SLC24A1: variants seen among roughly 807,000 people sequenced by gnomAD.
SLC24A1 encodes the protein solute carrier family 24 member 1.
Under a neutral mutation model 88.1 loss-of-function variants are expected in SLC24A1, and 52 were observed. That is an observed-to-expected ratio of 0.59 (90% confidence interval 0.47 to 0.74). The LOEUF is 0.74. SLC24A1 is among the 30% of genes least tolerant of loss of function. The probability of loss-of-function intolerance (pLI) is 0.00; values close to 1 mark genes in which losing one functional copy is unlikely to be tolerated. For synonymous variants in SLC24A1, 455 were observed against 498.0 expected, an observed-to-expected ratio of 0.91 and a Z score of 1.15; for missense variants, 1,173 against 1,363.3, an observed-to-expected ratio of 0.86 and a Z score of 2.20.
intron 1 of SLC24A1, among the ~76,000 whole-genome samples, chr15:65,623,158 AAACT>A (rs756143377): frequency 2.0e-5 from 3 of 152,242 alleles, no homozygotes; most frequent in African/African-American, 2.4e-5. Context: ...TAAAAAGGTC[AAACT>A]AACAGAATAT....
At chr15:65,635,933 A>G (rs898194111) in intron 2 of SLC24A1, among the ~76,000 whole-genome samples, 9 of 152,224 alleles carry the variant, frequency 5.9e-5, no homozygotes, top group Non-Finnish European at 1.2e-4. Flanking sequence ...CACCATGTAA[A>G]TAGTATAGCA....
At chr15:65,634,492 G>A (rs1246373729) in intron 2 of SLC24A1, among the ~76,000 whole-genome samples, 1 of 152,174 alleles carries the variant, frequency 6.6e-6, no homozygotes, top group African/African-American at 2.4e-5. Flanking sequence ...GAAAGAGCAG[G>A]GAGAATGTTG....
Position 65,654,337 on chromosome 15 carries a change from T to G in SLC24A1, c.*258T>G. 2.4e-6 allele frequency: 3 copies of G among 1,275,224 alleles called. No individual in the cohort carries two copies. Among genetic ancestry groups the G allele is most frequent in the Non-Finnish European group, 3.0e-6 (3 of 1,010,228 alleles). The allele number at this position is 1,275,224 out of a possible 1,614,324, so 79.0% of individuals were successfully genotyped here. A position where few individuals can be genotyped will look rare whatever the true frequency, so the allele number is the denominator to read the frequency against. On this transcript the variant is annotated 3_prime_UTR_variant, in exon 10 of 10. Transcript: ENST00000261892. ...GCAGACATCTATTACATGGAGGCAG[T>G]AGAAGGACCCCTGGAGCCAGAGGGT...
In SLC24A1 at chr15:65,655,183, G is replaced by A. The variant is rs2075639855; in HGVS notation, c.*1104G>A. On this transcript the variant is annotated 3_prime_UTR_variant, in exon 10 of 10. Coordinates refer to ENST00000261892, the MANE Select transcript of SLC24A1 (RefSeq NM_004727.3). ...CTCCAGCATGTTCTCACCCAACAAT[G>A]ACAGTTGAGTGGAGTGGGAAGGGAA... 3 of 987,362 alleles carry A rather than the reference G, an allele frequency of 3.0e-6. No individual in the cohort carries two copies. The South Asian group carries it at 1.4e-4, about 46-fold the overall frequency. 61.2% of individuals were successfully genotyped at this position (987,362 alleles called of 1,614,324 possible).
chr15:65,657,523 G>T (rs1382992446), downstream of SLC24A1, among the ~76,000 whole-genome samples: 1 of 152,156 alleles, frequency 6.6e-6, no homozygotes, highest in Non-Finnish European at 1.5e-5. Context: ...GGCGCCTATA[G>T]TCCCAGCTAC....
rs181192918 is a variant in SLC24A1, at chr15:65,650,131, G to T, written c.2233-251G>T. 4.0e-4 allele frequency among the ~76,000 whole-genome samples: 61 copies of T among 152,312 alleles called. No individual in the cohort carries two copies. The East Asian group carries it at 0.012, about 29-fold the overall frequency. ...AATATGGACTTCAGATGAATCAGAGGTGCCAAAGATGACAGAAGCTGCTTC... is the reference window on the plus strand; with the variant it reads ...AATATGGACTTCAGATGAATCAGAGTTGCCAAAGATGACAGAAGCTGCTTC... On this transcript the variant is annotated intron_variant, in intron 6 of 9. Coordinates refer to ENST00000261892, the MANE Select transcript of SLC24A1 (RefSeq NM_004727.3). This position sits in a 1 kb window ranked among gnomAD's most constrained non-coding sequence, Gnocchi z 4.1.
In SLC24A1 at chr15:65,650,135, C is replaced by T. The variant is rs2075445596; in HGVS notation, c.2233-247C>T. On this transcript the variant is annotated intron_variant, in intron 6 of 9. Coordinates refer to ENST00000261892, the MANE Select transcript of SLC24A1 (RefSeq NM_004727.3). This position sits in a 1 kb window ranked among gnomAD's most constrained non-coding sequence, Gnocchi z 4.1. ...TGGACTTCAGATGAATCAGAGGTGC[C>T]AAAGATGACAGAAGCTGCTTCAGGT... 6.6e-6 allele frequency among the ~76,000 whole-genome samples: 1 copy of T among 152,082 alleles called. No individual in the cohort carries two copies. Among genetic ancestry groups the T allele is most frequent in the African/African-American group, 2.4e-5 (1 of 41,390 alleles).
chr15:65,658,924 G>A (rs558696784), downstream of SLC24A1, among the ~76,000 whole-genome samples: 140 of 152,262 alleles, frequency 9.2e-4, no homozygotes, highest in African/African-American at 3.3e-3. Context: ...AATTAAATAT[G>A]CTGGTAGTGT....
chr15:65,631,834 ATTTTAT>A (rs1483879395), intron 2 of SLC24A1, among the ~76,000 whole-genome samples: 8 of 151,768 alleles, frequency 5.3e-5, no homozygotes, highest in Non-Finnish European at 2.9e-5. Flanking sequence ...TTTGGATTTT[ATTTTAT>A]TTTTATTTTT....
Position 65,624,058 on chromosome 15 carries a change from G to A in SLC24A1, c.-23G>A. The A allele has an allele frequency of 6.5e-7, 1 of 1,541,388 alleles. No individual in the cohort carries two copies. The highest frequency in any genetic ancestry group is 8.7e-7 in the Non-Finnish European group (1 of 1,147,288). On this transcript the variant is annotated 5_prime_UTR_variant, in exon 2 of 10. Coordinates refer to ENST00000261892, the MANE Select transcript of SLC24A1 (RefSeq NM_004727.3). ...CTTAGGACAGAATGAGAGGCCTTCTGTAACCAGATATAACTGGCCAGCATG... is the reference window on the plus strand; with the variant it reads ...CTTAGGACAGAATGAGAGGCCTTCTATAACCAGATATAACTGGCCAGCATG...
upstream of SLC24A1, among the ~76,000 whole-genome samples, chr15:65,617,282 G>C (rs1463539477): frequency 6.6e-6 from 1 of 152,192 alleles, no homozygotes. Flanking sequence ...TTGGTAGCTT[G>C]ACGGGGATGG....
chr15:65,626,792 G>GT (rs1272088310), intron 2 of SLC24A1, among the ~76,000 whole-genome samples: 1 of 152,080 alleles, frequency 6.6e-6, no homozygotes, highest in African/African-American at 2.4e-5. Flanking sequence ...AATTTTTTGG[G>GT]TTTTTTGGGT....
At position 65,645,179 on chromosome 15, in the gene SLC24A1, A is replaced by C. The variant is rs537771574; in HGVS notation, c.2141-433A>C. ...CAAGAAGTGAGAGAACCTGTACCTA[A>C]ACCTAGCTCTCCAGACTTTCCAAGT... On this transcript the variant is annotated intron_variant, in intron 5 of 9. Coordinates refer to ENST00000261892, the MANE Select transcript of SLC24A1 (RefSeq NM_004727.3). Among the ~76,000 whole-genome samples the C allele has an allele frequency of 1.7e-3, 258 of 152,288 alleles. 1 individual carries two copies. The highest frequency in any genetic ancestry group is 5.8e-3 in the African/African-American group (240 of 41,560).
At chr15:65,659,403 A>T (rs1439338299), downstream of SLC24A1, 2 of 134,694 alleles carry the variant, frequency 1.5e-5, no homozygotes, top group Non-Finnish European at 3.0e-5. Context: ...GCATGATCAC[A>T]GCTCATTGCA....
Position 65,644,485 on chromosome 15 carries a change from C to A in SLC24A1, c.2112C>A (p.Pro704=), listed in dbSNP as rs1387333970. ...TGAATCAAGGGGCCAGAGCCCAACC[C>A]CAGGCCAAAGCAGAAAGCAAACCAG... is the stretch of plus-strand genomic sequence containing the variant. ...ESLNQGARAQ[P]QAKAESKPEE... The change falls in exon 5 of 10, where the codon CCC becomes CCA. Residue 704 remains proline, a synonymous_variant. Transcript: ENST00000261892. 2 of 1,594,552 alleles carry A rather than the reference C, an allele frequency of 1.3e-6. No individual in the cohort carries two copies. The highest frequency in any genetic ancestry group is 1.8e-5 in the Admixed American group (1 of 56,914).
intron 4 of SLC24A1, among the ~76,000 whole-genome samples, chr15:65,642,627 C>CT (rs1479464899): frequency 6.6e-6 from 1 of 152,204 alleles, no homozygotes; most frequent in Non-Finnish European, 1.5e-5. Context: ...CAAGGGGGCA[C>CT]TGGGTTTGTC....
chr15:65,630,720 C>T (rs547762721), intron 2 of SLC24A1, among the ~76,000 whole-genome samples: 2 of 152,346 alleles, frequency 1.3e-5, no homozygotes, highest in Admixed American at 1.3e-4. Context: ...CCTGTAATCC[C>T]AGCACTTTGG....
Position 65,654,049 on chromosome 15 carries a change from T to G in SLC24A1, c.3270T>G (p.Asp1090Glu), listed in dbSNP as rs1454101125. The G allele has an allele frequency of 6.2e-7, 1 of 1,613,852 alleles. No individual in the cohort carries two copies. The highest frequency in any genetic ancestry group is 8.5e-7 in the Non-Finnish European group (1 of 1,179,854). The change falls in exon 10 of 10, where the codon GAT (aspartate) becomes GAG (glutamate). Residue 1090 changes from aspartate to glutamate, a missense_variant. By Grantham distance (45) the Asp-to-Glu change is conservative (BLOSUM62 2). Coordinates refer to ENST00000261892, the MANE Select transcript of SLC24A1 (RefSeq NM_004727.3). ...VFLIISVMLE[D>E]RIISCPVSV ...TGATAATCAGTGTGATGTTAGAAGA[T>G]CGAATCATATCCTGTCCTGTATCTG...
chr15:65,654,410 C>T lies in SLC24A1; in HGVS notation c.*331C>T. 1 of 1,171,276 alleles carries T rather than the reference C, an allele frequency of 8.5e-7. No homozygotes were observed. Among genetic ancestry groups the T allele is most frequent in the Non-Finnish European group, 1.1e-6 (1 of 942,702 alleles). 72.6% of individuals were successfully genotyped at this position (1,171,276 alleles called of 1,614,324 possible). ...GCAAAGGTTGGGATAGGCGCAGCAG[C>T]TATAAGACAAGCTCCTACGCTCACT... On this transcript the variant is annotated 3_prime_UTR_variant, in exon 10 of 10. Coordinates refer to ENST00000261892, the MANE Select transcript of SLC24A1 (RefSeq NM_004727.3).
Sources: allele counts gnomAD v4.1 joint callset (sites outside exome capture counted in the v4.1 genomes callset), GRCh38; gene constraint gnomAD v4.1.1; non-coding constraint Gnocchi (gnomAD v3.1); transcripts MANE v1.5; gene names NCBI Gene and HGNC (gene_info 2026-07-23, HGNC 2026-07-21).